SCFD2: variants seen among roughly 807,000 people sequenced by gnomAD.
SCFD2 encodes the protein sec1 family domain containing 2.
In SCFD2, 54 loss-of-function variants were observed where a neutral mutation model predicts 58.9. The ratio of observed to expected loss-of-function variants is 0.92; its 90% CI spans 0.74 to 1.15. The LOEUF (loss-of-function observed/expected upper bound fraction) is 1.15. Ranked by LOEUF, SCFD2 falls within the 50% of genes most tolerant of loss-of-function variation. SCFD2 has a pLI of 0.00. For synonymous variants in SCFD2, 321 were observed against 335.9 expected, an observed-to-expected ratio of 0.96 and a Z score of 0.49; for missense variants, 805 against 836.6, an observed-to-expected ratio of 0.96 and a Z score of 0.47.
chr4:52,979,948 T>C (rs1162532135), intron 5 of SCFD2, among the ~76,000 whole-genome samples: 1 of 152,124 alleles, frequency 6.6e-6, no homozygotes, highest in Non-Finnish European at 1.5e-5. Context: ...TAGGTTCTCA[T>C]CACCTCTGGA....
intron 5 of SCFD2, among the ~76,000 whole-genome samples, chr4:52,925,339 C>CATAT (rs915818417): frequency 1.5e-5 from 2 of 137,082 alleles, no homozygotes; most frequent in Non-Finnish European, 3.0e-5. Flanking sequence ...CTGCTAAAGC[C>CATAT]ATATATATAT....
intron 4 of SCFD2, among the ~76,000 whole-genome samples, chr4:53,228,932 C>T (rs1729324462): frequency 6.6e-6 from 1 of 152,184 alleles, no homozygotes; most frequent in Admixed American, 6.5e-5. Context: ...TCTCAGGATA[C>T]AAAATCAATG....
chr4:53,088,132 C>G (rs914386482), intron 5 of SCFD2, among the ~76,000 whole-genome samples: 1 of 152,158 alleles, frequency 6.6e-6, no homozygotes, highest in African/African-American at 2.4e-5. Flanking sequence ...AACAAGATAA[C>G]AGTAAAGATG....
chr4:53,293,720 C>T lies in SCFD2; in HGVS notation c.1136-19719G>A, dbSNP rs995112949. ...TTTTTCCCTAAAATCTGGTATATGG[C>T]AGGAATGCTCACTCTTTAAAAAAAA... is the stretch of plus-strand genomic sequence containing the variant. On this transcript the variant is annotated intron_variant, in intron 3 of 8. Coordinates refer to ENST00000401642, the MANE Select transcript of SCFD2 (RefSeq NM_152540.4). Among the ~76,000 whole-genome samples the T allele has an allele frequency of 3.9e-5, 6 of 152,024 alleles. No homozygotes were observed. In the East Asian group the frequency reaches 7.7e-4, roughly 20 times the overall value.
chr4:53,012,361 C>CTG (rs1425128138), intron 5 of SCFD2, among the ~76,000 whole-genome samples: 1 of 150,654 alleles, frequency 6.6e-6, no homozygotes, highest in East Asian at 2.0e-4. Flanking sequence ...CTCTTTCTCT[C>CTG]TCTCTCTCTC....
At chr4:53,063,850 G>A (rs1398168477) in intron 5 of SCFD2, among the ~76,000 whole-genome samples, 1 of 152,056 alleles carries the variant, frequency 6.6e-6, no homozygotes, top group Non-Finnish European at 1.5e-5. Flanking sequence ...TTGGAAGAGG[G>A]TACCACTGGC....
chr4:52,873,513 CCCT>C lies in SCFD2; in HGVS notation c.*453_*455del, dbSNP rs1476682134. The C allele has an allele frequency of 6.5e-6, 1 of 154,608 alleles. No homozygotes were observed. Among genetic ancestry groups the C allele is most frequent in the African/African-American group, 2.4e-5 (1 of 41,442 alleles). The allele number at this position is 154,608 out of a possible 1,614,324, so 9.6% of individuals were successfully genotyped here. On this transcript the variant is annotated 3_prime_UTR_variant, in exon 9 of 9. Transcript: ENST00000401642. ...AGCCTCAGACCCTATTTGCAATGTT[CCCT>C]CCTCAGTTATATAATCCTAAGGAAC...
intron 5 of SCFD2, among the ~76,000 whole-genome samples, chr4:53,123,599 G>A (rs1008160053): frequency 4.6e-5 from 7 of 152,096 alleles, no homozygotes; most frequent in Middle Eastern, 3.4e-3. Context: ...GGTGATGCTC[G>A]TTGATGCCCA....
intron 5 of SCFD2, among the ~76,000 whole-genome samples, chr4:53,075,877 T>C (rs1314395472): frequency 1.3e-5 from 2 of 152,178 alleles, no homozygotes; most frequent in African/African-American, 4.8e-5. Flanking sequence ...GACACAGACA[T>C]GAAGTGAGCA....
intron 2 of SCFD2, among the ~76,000 whole-genome samples, chr4:53,336,189 C>G (rs1733678317): frequency 6.6e-6 from 1 of 152,054 alleles, no homozygotes; most frequent in South Asian, 2.1e-4. Flanking sequence ...CATTTTTCTC[C>G]TTTTACAATT....
At chr4:53,015,064 G>C (rs1433477216) in intron 5 of SCFD2, among the ~76,000 whole-genome samples, 1 of 152,182 alleles carries the variant, frequency 6.6e-6, no homozygotes, top group African/African-American at 2.4e-5. Context: ...CAAACCAAAA[G>C]TCAGTGAGTC....
chr4:53,124,314 G>T (rs62324997), intron 5 of SCFD2, among the ~76,000 whole-genome samples: 26,811 of 152,122 alleles, frequency 0.18, 2,874 homozygotes, highest in Admixed American at 0.28. Flanking sequence ...ACTTCACATG[G>T]TTGGGCCAGA....
At chr4:53,169,554 G>A (rs529532356) in intron 4 of SCFD2, among the ~76,000 whole-genome samples, 1 of 152,004 alleles carries the variant, frequency 6.6e-6, no homozygotes, top group South Asian at 2.1e-4. Flanking sequence ...GTTTGCTTTG[G>A]ATATATACCC....
intron 2 of SCFD2, among the ~76,000 whole-genome samples, chr4:53,342,687 A>T (rs1733919458): frequency 6.6e-6 from 1 of 152,228 alleles, no homozygotes; most frequent in South Asian, 2.1e-4. Flanking sequence ...ACTTATTCCA[A>T]AATTGACCAC....
chr4:53,058,366 A>T (rs1315704636), intron 5 of SCFD2, among the ~76,000 whole-genome samples: 2 of 152,164 alleles, frequency 1.3e-5, no homozygotes, highest in East Asian at 3.9e-4. Context: ...TTTTTAATAT[A>T]TCAGACAGTC....
At chr4:53,318,178 G>C (rs1441442461) in intron 2 of SCFD2, among the ~76,000 whole-genome samples, 1 of 152,102 alleles carries the variant, frequency 6.6e-6, no homozygotes, top group African/African-American at 2.4e-5. Context: ...TATTTTTCAG[G>C]AATAAAATTG....
At chr4:53,098,599 G>C (rs1490396168) in intron 5 of SCFD2, among the ~76,000 whole-genome samples, 1 of 151,976 alleles carries the variant, frequency 6.6e-6, no homozygotes, top group African/African-American at 2.4e-5. Flanking sequence ...ACTCACTGCT[G>C]CTTTAGAGAC....
chr4:52,930,312 A>C (rs1408308871), intron 5 of SCFD2, among the ~76,000 whole-genome samples: 1 of 152,196 alleles, frequency 6.6e-6, no homozygotes, highest in African/African-American at 2.4e-5. Flanking sequence ...CCATATGCAG[A>C]AAATTGAAAC....
chr4:53,347,882 G>T (rs558400346), intron 2 of SCFD2, among the ~76,000 whole-genome samples: 1 of 152,250 alleles, frequency 6.6e-6, no homozygotes, highest in Non-Finnish European at 1.5e-5. Context: ...CACTGCAGGT[G>T]CAGGGTTAGC....
Sources: allele counts gnomAD v4.1 joint callset (sites outside exome capture counted in the v4.1 genomes callset), GRCh38; gene constraint gnomAD v4.1.1; transcripts MANE v1.5; gene names NCBI Gene and HGNC (gene_info 2026-07-23, HGNC 2026-07-21).